Variants in PFKP observed in about 807,000 individuals in gnomAD.
PFKP encodes ATP-dependent 6-phosphofructokinase, platelet type.
PFKP carries 101 observed loss-of-function variants against 94.3 expected under a neutral mutation model. That is an observed-to-expected ratio of 1.07 (90% CI 0.91 to 1.26). The LOEUF (loss-of-function observed/expected upper bound fraction) is 1.26, where lower values mean the gene tolerates loss of function less well. PFKP is among the 50% of genes most tolerant of loss of function. The pLI, the probability that PFKP is intolerant of heterozygous loss-of-function variation, is 0.00. For missense variants in PFKP, 1,145 were observed against 1,103.3 expected (o/e 1.04, Z -0.53); for synonymous variants, 573 against 432.6 (o/e 1.32, Z -4.03).
chr10:3,101,314 C>G (rs1221782993), intron 3 of PFKP, 51 bp from the exon 4 acceptor site: 1 of 1,454,670 alleles, frequency 6.9e-7, no homozygotes, highest in South Asian at 1.3e-5. Flanking sequence ...TGCCATCCAC[C>G]TGGCGCTCTC....
intron 7 of PFKP, among the ~76,000 whole-genome samples, chr10:3,106,230 TGTGGGGCGTCC>T (rs1351745571): frequency 6.7e-6 from 1 of 148,946 alleles, no homozygotes; most frequent in East Asian, 2.0e-4. Context: ...ACGGGGCGCC[TGTGGGGCGTCC>T]ACCTGTGTGT....
chr10:3,135,694 T>G (rs958161812), intron 20 of PFKP, 42 bp from the exon 21 acceptor site: 1 of 1,233,654 alleles, frequency 8.1e-7, no homozygotes, highest in Non-Finnish European at 1.2e-6. Context: ...CACCTGCCCA[T>G]GTTGACAGGG....
chr10:3,068,621 G>C, intron 1 of PFKP: 4 of 977,960 alleles, frequency 4.1e-6, no homozygotes, highest in Non-Finnish European at 4.9e-6. Flanking sequence ...GGCGCGCCGG[G>C]AGGATATTTA....
intron 9 of PFKP, 151 bp downstream of exon 9, chr10:3,108,944 T>C (rs1416827454): frequency 1.5e-6 from 1 of 658,756 alleles, no homozygotes; most frequent in Non-Finnish European, 2.8e-6. Flanking sequence ...CTTGAGACCT[T>C]TGGTGTAGAC....
At position 3,115,531 on chromosome 10, in the gene PFKP, T is replaced by C. The variant is rs112215360; in HGVS notation, c.1372-1245T>C. On this transcript the variant is annotated intron_variant, in intron 13 of 21. Coordinates refer to ENST00000381125, the MANE Select transcript of PFKP (RefSeq NM_002627.5). ...GTGTGTCCCACAGCTGAGGATAGGA[T>C]TGGGGATGCCAGGGTGAAGGTGTGT... is the stretch of plus-strand genomic sequence containing the variant. 6.4e-4 allele frequency among the ~76,000 whole-genome samples: 68 copies of C among 106,422 alleles called. 8 individuals are homozygous for C. Among genetic ancestry groups the C allele is most frequent in the East Asian group, 4.4e-3 (16 of 3,650 alleles). 69.8% of individuals were successfully genotyped at this position (106,422 alleles called of 152,430 possible).
intron 1 of PFKP, among the ~76,000 whole-genome samples, chr10:3,081,977 CT>C (rs547880338): frequency 6.0e-4 from 41 of 68,414 alleles, no homozygotes; most frequent in East Asian, 5.4e-3. Flanking sequence ...AGCCCATTGC[CT>C]TTTTTTTTTT....
intron 1 of PFKP, among the ~76,000 whole-genome samples, chr10:3,081,952 C>A (rs1426133148): frequency 9.4e-6 from 1 of 106,366 alleles, no homozygotes; most frequent in East Asian, 3.0e-4. Context: ...AATTGCATGA[C>A]TTGTTTTCTG....
chr10:3,087,799 TCC>T (rs1833715239), intron 2 of PFKP, among the ~76,000 whole-genome samples: 1 of 152,052 alleles, frequency 6.6e-6, no homozygotes, highest in African/African-American at 2.4e-5. Context: ...TTCTTCACCT[TCC>T]TCCAGTGTAG....
intron 4 of PFKP, among the ~76,000 whole-genome samples, chr10:3,102,363 C>T (rs1044667264): frequency 6.6e-6 from 1 of 151,094 alleles, no homozygotes; most frequent in African/African-American, 2.4e-5. Context: ...CTTAGGAAAG[C>T]GTTTCTGAGA....
At chr10:3,101,119 G>A (rs1210998053) in intron 3 of PFKP, 21 of 877,022 alleles carry the variant, frequency 2.4e-5, no homozygotes, top group Middle Eastern at 3.2e-4. Context: ...GCTGGCTGCC[G>A]TGTGTCTGGC....
Position 3,133,225 on chromosome 10 carries a change from T to A in PFKP, c.1933T>A (p.Tyr645Asn). ...VLRNESCSEN[Y>N]TTDFIYQLYS... ...CAGAAATGAGAGCTGCAGTGAAAAC[T>A]ACACCACCGACTTCATTTACCAGCT... Residue 645 changes from tyrosine to asparagine, a missense_variant, in exon 19 of 22, where the codon TAC becomes AAC. By Grantham distance (143) the Tyr-to-Asn change is moderately radical. Transcript: ENST00000381125. 1 of 1,613,886 alleles carries A rather than the reference T, an allele frequency of 6.2e-7. No individual in the cohort carries two copies. Among genetic ancestry groups the A allele is most frequent in the South Asian group, 1.1e-5 (1 of 91,072 alleles).
chr10:3,116,742 A>T (rs1407651493), intron 13 of PFKP, 34 bp from the exon 14 acceptor site: 3 of 1,546,302 alleles, frequency 1.9e-6, no homozygotes, highest in South Asian at 2.2e-5. Context: ...TTCATTGTTC[A>T]CTTTAGCTGT....
intron 16 of PFKP, among the ~76,000 whole-genome samples, chr10:3,121,803 C>CTTTTTTTTTCTTTTTTTTT (rs1837441929): frequency 3.1e-5 from 1 of 32,624 alleles, no homozygotes; most frequent in Non-Finnish European, 5.9e-5. Flanking sequence ...CTTTTTTTTT[C>CTTTTTTTTTCTTTTTTTTT]TTTTTTTTTT....
intron 1 of PFKP, among the ~76,000 whole-genome samples, chr10:3,079,007 C>A (rs1832811830): frequency 6.6e-6 from 1 of 152,232 alleles, no homozygotes; most frequent in African/African-American, 2.4e-5. Flanking sequence ...AGTTCCCAGG[C>A]TCCCTCTCCA....
intron 1 of PFKP, chr10:3,069,494 C>G (rs1476895298): frequency 2.0e-6 from 2 of 1,017,164 alleles, no homozygotes; most frequent in Non-Finnish European, 2.9e-6. Flanking sequence ...ACCTGGGCCG[C>G]GAAAGACAAG....
intron 10 of PFKP, among the ~76,000 whole-genome samples, chr10:3,111,558 C>T (rs1271599350): frequency 1.3e-5 from 2 of 152,136 alleles, no homozygotes; most frequent in Non-Finnish European, 2.9e-5. Context: ...TACTGTGCAC[C>T]TGCTGTTTGT....
At chr10:3,100,862 C>CAAAATTAAAAAA in intron 3 of PFKP, 14 of 653,978 alleles carry the variant, frequency 2.1e-5, no homozygotes, top group Non-Finnish European at 2.2e-5. Context: ...GTATGTGGTG[C>CAAAATTAAAAAA]AAAAAAAAAA....
rs1347948267 is a variant in PFKP, at chr10:3,067,630, C to T, written c.35C>T (p.Ser12Phe). 1.3e-6 allele frequency: 2 copies of T among 1,534,002 alleles called. No homozygotes were observed. Among genetic ancestry groups the T allele is most frequent in the African/African-American group, 1.4e-5 (1 of 70,952 alleles). The change falls in exon 1 of 22, where the codon TCC (serine) becomes TTC (phenylalanine). Residue 12 changes from serine (S) to phenylalanine (F), a missense_variant. Around this residue, in one of 3 missense-constraint regions of PFKP, gnomAD observed 1,119 missense variants for 1,062.8 expected, o/e 1.05. Coordinates refer to ENST00000381125, the MANE Select transcript of PFKP (RefSeq NM_002627.5). Reference sequence around the variant, plus strand: ...GACGACTCCCGGGCCCCCAAGGGCTCCTTGCGGAAGTTCCTGGAGCACCTC... The same window carrying T: ...GACGACTCCCGGGCCCCCAAGGGCTTCTTGCGGAAGTTCCTGGAGCACCTC... ...DADDSRAPKG[S>F]LRKFLEHLSG...
chr10:3,102,250 CAAAAAAAAAA>C (rs757381364), intron 4 of PFKP, among the ~76,000 whole-genome samples: 13 of 54,778 alleles, frequency 2.4e-4, no homozygotes, highest in African/African-American at 8.0e-4. Flanking sequence ...GACTCTGTCT[CAAAAAAAAAA>C]AAAAAAAAAA....
Sources: gnomAD v4.1 joint callset for allele counts (sites outside exome capture counted in the v4.1 genomes callset) on GRCh38, gnomAD v4.1.1 for gene constraint, gnomAD v4.1.1 regional missense constraint, MANE v1.5 for transcripts, NCBI Gene and HGNC (gene_info 2026-07-23, HGNC 2026-07-21) for gene names.